The following GIN1 variants were observed in gnomAD, a reference collection of about 807,000 sequenced individuals.
GIN1 encodes the protein gypsy retrotransposon integrase-like protein 1.
Under a neutral mutation model 51.4 loss-of-function variants are expected in GIN1, and 41 were observed. The observed-to-expected ratio is 0.80, with a 90% confidence interval of 0.62 to 1.04. The LOEUF (loss-of-function observed/expected upper bound fraction) is 1.04, where lower values mean the gene tolerates loss of function less well. Among genes scored for constraint, GIN1 ranks in the 50% least tolerant of loss-of-function variants. The pLI is 0.00. For synonymous variants in GIN1, 222 were observed against 206.5 expected, an observed-to-expected ratio of 1.07 and a Z score of -0.64; for missense variants, 610 against 612.4, an observed-to-expected ratio of 1.00 and a Z score of 0.04.
chr5:103,101,106 A>G (rs1787562073), intron 4 of GIN1, among the ~76,000 whole-genome samples: 1 of 152,206 alleles, frequency 6.6e-6, no homozygotes, highest in African/African-American at 2.4e-5. Flanking sequence ...TAAAAATAAA[A>G]TAGGACGATT....
chr5:103,091,953 A>G (rs40605), intron 7 of GIN1, among the ~76,000 whole-genome samples: 37,368 of 151,374 alleles, frequency 0.25, 5,191 homozygotes, highest in East Asian at 0.45. Flanking sequence ...TGAACCCAGG[A>G]GGCGGAGGTT....
intron 7 of GIN1, among the ~76,000 whole-genome samples, chr5:103,093,014 A>T (rs1456833480): frequency 6.6e-6 from 1 of 151,872 alleles, no homozygotes; most frequent in Non-Finnish European, 1.5e-5. Flanking sequence ...AAGAGGCCAA[A>T]AAAAGGCTCT....
intron 1 of GIN1, among the ~76,000 whole-genome samples, chr5:103,110,200 CAA>C (rs34396736): frequency 2.8e-5 from 4 of 142,110 alleles, no homozygotes; most frequent in Non-Finnish European, 6.1e-5. Context: ...AAATAAGACA[CAA>C]AAAAAAAACA....
chr5:103,098,013 G>A (rs952083755), intron 4 of GIN1, among the ~76,000 whole-genome samples: 1 of 152,096 alleles, frequency 6.6e-6, no homozygotes, highest in African/African-American at 2.4e-5. Context: ...TTCCTGAGTA[G>A]CTGGGACTAC....
Position 103,097,590 on chromosome 5 carries a change from C to A in GIN1, c.831G>T (p.Leu277Phe). 1.3e-6 allele frequency: 2 copies of A among 1,591,236 alleles called. No individual in the cohort carries two copies. Among genetic ancestry groups the A allele is most frequent in the Non-Finnish European group, 1.7e-6 (2 of 1,160,084 alleles). ...TACAGAATTATAAAAAGGCACATAC[C>A]AAGTGAGTTACATTGAAGGCAAATG... ...AVSFAFNVTH[L>F]EPTKNTPYFQ... Residue 277 changes from leucine to phenylalanine, a missense_variant and splice_region_variant, in exon 5 of 8, where the codon TTG (leucine) becomes TTT (phenylalanine). Coordinates refer to ENST00000399004, the MANE Select transcript of GIN1 (RefSeq NM_017676.2).
chr5:103,107,601 C>T (rs1787762617), intron 2 of GIN1, among the ~76,000 whole-genome samples: 1 of 152,086 alleles, frequency 6.6e-6, no homozygotes, highest in Admixed American at 6.6e-5. Context: ...ATGAGTGGAA[C>T]ACTCCTTATT....
chr5:103,116,554 C>T (rs34777), intron 1 of GIN1, among the ~76,000 whole-genome samples: 45,240 of 151,768 alleles, frequency 0.3, 6,889 homozygotes, highest in East Asian at 0.45. Flanking sequence ...TTTGTGAGCT[C>T]AGGTTGGGTA....
chr5:103,093,131 G>T (rs1787301935), intron 7 of GIN1, among the ~76,000 whole-genome samples: 1 of 152,018 alleles, frequency 6.6e-6, no homozygotes, highest in African/African-American at 2.4e-5. Context: ...AGCATAATAG[G>T]CCCCTAAAGA....
chr5:103,096,360 C>T (rs111596046), intron 7 of GIN1, among the ~76,000 whole-genome samples, 181 bp downstream of exon 7: 1 of 151,706 alleles, frequency 6.6e-6, no homozygotes, highest in Admixed American at 6.6e-5. Flanking sequence ...ATCTCACAGG[C>T]CTGACAGTTC....
chr5:103,109,685 ACAAT>A (rs1186703901), intron 1 of GIN1, among the ~76,000 whole-genome samples: 1 of 152,168 alleles, frequency 6.6e-6, no homozygotes, highest in East Asian at 1.9e-4. Context: ...GTATTATAAG[ACAAT>A]CAGTTTGTTC....
rs782023511 is a variant in GIN1, at chr5:103,087,870, A to T, written c.*28T>A. 1 of 955,222 alleles carries T rather than the reference A, an allele frequency of 1.0e-6. No individual in the cohort carries two copies. Among genetic ancestry groups the T allele is most frequent in the Non-Finnish European group, 1.5e-6 (1 of 648,522 alleles). 59.2% of individuals were successfully genotyped at this position (955,222 alleles called of 1,614,324 possible). On this transcript the variant is annotated 3_prime_UTR_variant, in exon 8 of 8. Transcript: ENST00000399004. ...ATCATTAAGAATTTATATTCTAAACAAACAATTTAAATAAATTTTGGTATT... is the reference window on the plus strand; with the variant it reads ...ATCATTAAGAATTTATATTCTAAACTAACAATTTAAATAAATTTTGGTATT...
chr5:103,101,426 CTA>C (rs1554195785), intron 4 of GIN1, among the ~76,000 whole-genome samples: 1 of 152,132 alleles, frequency 6.6e-6, no homozygotes, highest in East Asian at 1.9e-4. Context: ...CTGCAGTTGA[CTA>C]TAGGAACTGA....
At chr5:103,090,804 G>T (rs1332591803) in intron 7 of GIN1, among the ~76,000 whole-genome samples, 1 of 152,024 alleles carries the variant, frequency 6.6e-6, no homozygotes. Flanking sequence ...TTGAACTTGA[G>T]TACCTCCTAG....
At chr5:103,119,146 G>A (rs1465684580) in intron 1 of GIN1, among the ~76,000 whole-genome samples, 5 of 152,192 alleles carry the variant, frequency 3.3e-5, no homozygotes, top group Admixed American at 6.5e-5. Flanking sequence ...AAGTAAGGCA[G>A]TTAGGTATTA....
Position 103,097,308 on chromosome 5 carries a change from A to T in GIN1, c.1008+6T>A, listed in dbSNP as rs782482153. Reference sequence around the variant, plus strand: ...AGATTACAGTTTTTCTATTGAATAGAATCACCTGGCCCAGTGAAGTTGTCT... The same window carrying T: ...AGATTACAGTTTTTCTATTGAATAGTATCACCTGGCCCAGTGAAGTTGTCT... On this transcript the variant is annotated splice_donor_region_variant and intron_variant, in intron 6 of 7. Transcript: ENST00000399004. 2 of 1,533,678 alleles carry T rather than the reference A, an allele frequency of 1.3e-6. No individual in the cohort carries two copies. Among genetic ancestry groups the T allele is most frequent in the East Asian group, 4.5e-5 (2 of 44,438 alleles).
intron 1 of GIN1, among the ~76,000 whole-genome samples, chr5:103,113,695 T>C (rs1216767053): frequency 6.6e-6 from 1 of 152,060 alleles, no homozygotes; most frequent in African/African-American, 2.4e-5. Context: ...CTAATTTTTA[T>C]ATTTTTAGTA....
chr5:103,112,024 T>A (rs1439406683), intron 1 of GIN1, among the ~76,000 whole-genome samples: 1 of 151,756 alleles, frequency 6.6e-6, no homozygotes, highest in East Asian at 1.9e-4. Context: ...TGAAAGTAGA[T>A]CGAAATAGAG....
intron 1 of GIN1, among the ~76,000 whole-genome samples, chr5:103,114,053 C>A (rs1787959098): frequency 6.6e-6 from 1 of 151,464 alleles, no homozygotes; most frequent in Non-Finnish European, 1.5e-5. Flanking sequence ...GTGCTCACAC[C>A]TTTTCATTGA....
chr5:103,111,212 CTT>C (rs1404221604), intron 1 of GIN1, among the ~76,000 whole-genome samples: 2 of 151,632 alleles, frequency 1.3e-5, no homozygotes, highest in Non-Finnish European at 2.9e-5. Flanking sequence ...ATCATTTTTT[CTT>C]TGTGTCCTCT....
Sources: allele counts gnomAD v4.1 joint callset (sites outside exome capture counted in the v4.1 genomes callset), GRCh38; gene constraint gnomAD v4.1.1; transcripts MANE v1.5; gene names NCBI Gene and HGNC (gene_info 2026-07-23, HGNC 2026-07-21).